The following SLC9B2 variants were observed in gnomAD, a reference collection of about 807,000 sequenced individuals.
SLC9B2 encodes sodium/hydrogen exchanger 9B2.
SLC9B2 carries 39 observed loss-of-function variants against 52.2 expected under a neutral mutation model. That is an observed-to-expected ratio of 0.75 (90% CI 0.58 to 0.98). The LOEUF is 0.98. Among genes scored for constraint, SLC9B2 ranks in the 50% least tolerant of loss-of-function variants. SLC9B2 has a pLI of 0.00. For missense variants in SLC9B2, 626 were observed against 637.5 expected (o/e 0.98, Z 0.19); for synonymous variants, 214 against 227.0 (o/e 0.94, Z 0.51).
intron 9 of SLC9B2, among the ~76,000 whole-genome samples, chr4:103,040,973 T>C (rs550538142): frequency 2.0e-5 from 3 of 152,288 alleles, no homozygotes; most frequent in South Asian, 2.1e-4. Context: ...CTGCTAAAGT[T>C]TGAGAAAACT....
Position 103,067,563 on chromosome 4 carries a change from A to G in SLC9B2, c.-13T>C, listed in dbSNP as rs1438928651. ...CTTCATCCCCCATTATTTATAATTA[A>G]GAAGATGACACAGGGAAGAGGAACG... On this transcript the variant is annotated 5_prime_UTR_variant, in exon 2 of 12. Transcript: ENST00000394785. The G allele has an allele frequency of 6.3e-7, 1 of 1,578,378 alleles. No individual in the cohort carries two copies. Among genetic ancestry groups the G allele is most frequent in the Non-Finnish European group, 8.7e-7 (1 of 1,148,350 alleles).
intron 9 of SLC9B2, 88 bp downstream of exon 9, chr4:103,043,208 T>C (rs2110601144): frequency 7.6e-7 from 1 of 1,323,278 alleles, no homozygotes; most frequent in African/African-American, 1.5e-5. Flanking sequence ...AAATACTTTA[T>C]TAATTTGATG....
In SLC9B2 at chr4:103,046,712, T is replaced by G. The variant is rs149728241; in HGVS notation, c.889+339A>C. Among the ~76,000 whole-genome samples, 702 of 148,132 alleles carry G rather than the reference T, an allele frequency of 4.7e-3. 6 individuals carry two copies. Among genetic ancestry groups the G allele is most frequent in the African/African-American group, 0.016 (677 of 41,110 alleles). On this transcript the variant is annotated intron_variant, in intron 7 of 11. Coordinates refer to ENST00000394785, the MANE Select transcript of SLC9B2 (RefSeq NM_178833.7). ...GTCTCCACACATCTTTTGTGTGAAG[T>G]CTCCACACATCTTTTGTGTGAAGTC... is the stretch of plus-strand genomic sequence containing the variant.
In SLC9B2 at chr4:103,026,220, A is replaced by G. The variant is rs1037302178; in HGVS notation, c.*150T>C. 21 of 685,764 alleles carry G rather than the reference A, an allele frequency of 3.1e-5. No homozygotes were observed. In the Admixed American group the frequency reaches 5.8e-4, roughly 19 times the overall value. The allele number at this position is 685,764 out of a possible 1,614,324, so 42.5% of individuals were successfully genotyped here. ...ATATAGATCATTACCACCCACATGG[A>G]AAGAGCAAGGGCTAAAAATGCTGTT... On this transcript the variant is annotated 3_prime_UTR_variant, in exon 12 of 12. Coordinates refer to ENST00000394785, the MANE Select transcript of SLC9B2 (RefSeq NM_178833.7).
At chr4:103,071,679 T>C (rs1029006977) in intron 1 of SLC9B2, among the ~76,000 whole-genome samples, 3 of 151,970 alleles carry the variant, frequency 2.0e-5, no homozygotes, top group Middle Eastern at 3.2e-3. Flanking sequence ...ACCCGGCTAA[T>C]TTTTGTATTT....
intron 9 of SLC9B2, among the ~76,000 whole-genome samples, chr4:103,035,434 C>T (rs1743083605): frequency 6.6e-6 from 1 of 152,004 alleles, no homozygotes; most frequent in South Asian, 2.1e-4. Context: ...AATAGTGTTG[C>T]AATGAACATA....
chr4:103,066,839 G>T (rs973327190), intron 2 of SLC9B2, among the ~76,000 whole-genome samples: 1 of 152,044 alleles, frequency 6.6e-6, no homozygotes, highest in Non-Finnish European at 1.5e-5. Flanking sequence ...ACAGGTAACA[G>T]TCAAATGCAA....
In SLC9B2 at chr4:103,024,841, G is replaced by A. The variant is rs759533928; in HGVS notation, c.*1529C>T. 6.6e-6 allele frequency among the ~76,000 whole-genome samples: 1 copy of A among 152,212 alleles called. No homozygotes were observed. The highest frequency in any genetic ancestry group is 1.5e-5 in the Non-Finnish European group (1 of 68,040). On this transcript the variant is annotated 3_prime_UTR_variant, in exon 12 of 12. Coordinates refer to ENST00000394785, the MANE Select transcript of SLC9B2 (RefSeq NM_178833.7). ...TGATACACAAAAGCAGAGATGGCCT[G>A]TTACAAAGTAGGATAAAATATGACC...
intron 5 of SLC9B2, among the ~76,000 whole-genome samples, chr4:103,049,472 T>C (rs935112510): frequency 2.0e-5 from 3 of 152,150 alleles, no homozygotes; most frequent in Non-Finnish European, 2.9e-5. Flanking sequence ...ATTCCTGTAT[T>C]CAAAAACATA....
chr4:103,046,174 G>A (rs1427715926), intron 7 of SLC9B2, among the ~76,000 whole-genome samples: 5 of 152,142 alleles, frequency 3.3e-5, no homozygotes, highest in Non-Finnish European at 2.9e-5. Flanking sequence ...GGGAGATAAC[G>A]AGAATGTATA....
intron 10 of SLC9B2, among the ~76,000 whole-genome samples, chr4:103,030,345 C>T (rs902131752): frequency 2.0e-5 from 3 of 152,074 alleles, no homozygotes; most frequent in Non-Finnish European, 4.4e-5. Flanking sequence ...TCAAACAGCA[C>T]TGGGAAATAG....
At chr4:103,059,333 A>G (rs1229290093) in intron 3 of SLC9B2, among the ~76,000 whole-genome samples, 1 of 152,134 alleles carries the variant, frequency 6.6e-6, no homozygotes, top group Non-Finnish European at 1.5e-5. Context: ...TCTTGAGGGT[A>G]TTTTCTTTAA....
rs1741883118 is a variant in SLC9B2, at chr4:103,022,703, A to C, written c.*3667T>G. On this transcript the variant is annotated 3_prime_UTR_variant, in exon 12 of 12. Coordinates refer to ENST00000394785, the MANE Select transcript of SLC9B2 (RefSeq NM_178833.7). ...CCAGACAGAAATATACTGTCCTTGGAAATATGACACTTCTTTCAGGGACTG... is the reference window on the plus strand; with the variant it reads ...CCAGACAGAAATATACTGTCCTTGGCAATATGACACTTCTTTCAGGGACTG... Among the ~76,000 whole-genome samples, 2 of 152,242 alleles carry C rather than the reference A, an allele frequency of 1.3e-5. No homozygotes were observed. The highest frequency in any genetic ancestry group is 1.3e-4 in the Admixed American group (2 of 15,286).
chr4:103,073,750 T>C (rs1215391596), intron 1 of SLC9B2, among the ~76,000 whole-genome samples: 1 of 152,202 alleles, frequency 6.6e-6, no homozygotes, highest in African/African-American at 2.4e-5. Context: ...TTCTATTCTC[T>C]CTCCTCACCA....
Position 103,024,184 on chromosome 4 carries a change from A to G in SLC9B2, c.*2186T>C, listed in dbSNP as rs1207085952. On this transcript the variant is annotated 3_prime_UTR_variant, in exon 12 of 12. Coordinates refer to ENST00000394785, the MANE Select transcript of SLC9B2 (RefSeq NM_178833.7). The stretch of plus-strand genomic sequence containing the variant: ...TTCTCTATTGGACTGTTAAATCCTT[A>G]AGGACAGGGACAATATTATTCTTGA... Among the ~76,000 whole-genome samples the G allele has an allele frequency of 6.6e-6, 1 of 152,160 alleles. No individual in the cohort carries two copies. The highest frequency in any genetic ancestry group is 1.5e-5 in the Non-Finnish European group (1 of 68,022).
chr4:103,037,863 C>CT (rs58606567), intron 9 of SLC9B2, among the ~76,000 whole-genome samples: 2,763 of 141,656 alleles, frequency 0.02, 52 homozygotes, highest in African/African-American at 0.059. Context: ...AAAGGTAAGA[C>CT]TTTTTTTTTT....
intron 3 of SLC9B2, among the ~76,000 whole-genome samples, chr4:103,062,415 T>C (rs1356993568): frequency 2.7e-5 from 4 of 145,612 alleles, no homozygotes; most frequent in African/African-American, 1.0e-4. Flanking sequence ...TGAGACTCCA[T>C]CTCAAAAAAA....
At chr4:103,075,252 C>T (rs994385878) in intron 1 of SLC9B2, among the ~76,000 whole-genome samples, 2 of 152,084 alleles carry the variant, frequency 1.3e-5, no homozygotes, top group Non-Finnish European at 2.9e-5. Context: ...TGGGTTCAAG[C>T]GATTCTTCAG....
At chr4:103,042,827 CAT>C (rs1045240390) in intron 9 of SLC9B2, among the ~76,000 whole-genome samples, 19 of 151,342 alleles carry the variant, frequency 1.3e-4, no homozygotes, top group African/African-American at 4.1e-4. Context: ...TTTTAAGACA[CAT>C]ATTTTTATAT....
Sources: gnomAD v4.1 joint callset for allele counts (sites outside exome capture counted in the v4.1 genomes callset) on GRCh38, gnomAD v4.1.1 for gene constraint, MANE v1.5 for transcripts, NCBI Gene and HGNC (gene_info 2026-07-23, HGNC 2026-07-21) for gene names.